Variants in AKAP19 observed in about 807,000 individuals in gnomAD.
The protein encoded by AKAP19 is A-kinase anchoring protein 19, also known as small A-kinase anchoring protein.
the AKAP19 span, among the ~76,000 whole-genome samples, chr2:189,928,060 G>A: frequency 6.6e-6 from 1 of 152,038 alleles, no homozygotes; most frequent in Admixed American, 6.5e-5. Context: ...TGTCTTTTTA[G>A]TATTGTTTAA....
At chr2:189,958,789 C>T in the AKAP19 span, among the ~76,000 whole-genome samples, 1 of 151,932 alleles carries the variant, frequency 6.6e-6, no homozygotes, top group Admixed American at 6.6e-5. Context: ...GCATGAATTA[C>T]AGCTGCATGA....
At chr2:190,101,293 G>A in the AKAP19 span, among the ~76,000 whole-genome samples, 2 of 152,244 alleles carry the variant, frequency 1.3e-5, no homozygotes, top group African/African-American at 4.8e-5. Flanking sequence ...GCCTGTGGCA[G>A]GAGGAGAGCT....
the AKAP19 span, among the ~76,000 whole-genome samples, chr2:190,050,667 C>G: frequency 5.9e-5 from 9 of 152,098 alleles, no homozygotes; most frequent in Admixed American, 5.9e-4. Context: ...GTAGCAAGTG[C>G]AAGAGTCTAG....
At chr2:190,060,556 A>G in the AKAP19 span, 1 of 841,054 alleles carries the variant, frequency 1.2e-6, no homozygotes, top group Non-Finnish European at 1.8e-6. Flanking sequence ...GTCTTTTAAA[A>G]TGAAATACCG....
chr2:189,931,338 G>A, the AKAP19 span, among the ~76,000 whole-genome samples: 1 of 152,004 alleles, frequency 6.6e-6, no homozygotes, highest in East Asian at 1.9e-4. Flanking sequence ...ATAGAAAACA[G>A]GAAATTAACT....
At chr2:189,891,565 C>G in the AKAP19 span, among the ~76,000 whole-genome samples, 1 of 152,036 alleles carries the variant, frequency 6.6e-6, no homozygotes, top group African/African-American at 2.4e-5. Flanking sequence ...GGCCCGCGCT[C>G]TCTTCTGGCT....
At chr2:190,000,638 G>A in the AKAP19 span, among the ~76,000 whole-genome samples, 1 of 152,198 alleles carries the variant, frequency 6.6e-6, no homozygotes, top group African/African-American at 2.4e-5. Context: ...ATGAAGGTTA[G>A]TTCTGTTTGA....
chr2:190,200,089 TG>T, the AKAP19 span: 1 of 1,614,060 alleles, frequency 6.2e-7, no homozygotes, highest in Non-Finnish European at 8.5e-7. Flanking sequence ...CTTGCAGCAA[TG>T]GGCATGCAAT....
At chr2:190,057,667 A>G in the AKAP19 span, 1 of 1,610,958 alleles carries the variant, frequency 6.2e-7, no homozygotes, top group Non-Finnish European at 8.5e-7. Flanking sequence ...ACAATCAGTA[A>G]TATCAATAGG....
the AKAP19 span, among the ~76,000 whole-genome samples, chr2:189,933,831 G>T: frequency 1.3e-5 from 2 of 151,876 alleles, no homozygotes; most frequent in Non-Finnish European, 2.9e-5. Flanking sequence ...ATATTATTTT[G>T]TCACTTTTGG....
the AKAP19 span, among the ~76,000 whole-genome samples, chr2:189,888,895 A>C: frequency 1.3e-5 from 2 of 152,170 alleles, no homozygotes; most frequent in Non-Finnish European, 2.9e-5. Context: ...AAACAGGGAC[A>C]ATTTGACTTC....
the AKAP19 span, among the ~76,000 whole-genome samples, chr2:190,167,396 A>C: frequency 6.6e-6 from 1 of 152,236 alleles, no homozygotes; most frequent in East Asian, 1.9e-4. Flanking sequence ...GACACAGCTA[A>C]ACCATATCAT....
chr2:189,977,550 G>C, the AKAP19 span, among the ~76,000 whole-genome samples: 10 of 152,304 alleles, frequency 6.6e-5, no homozygotes, highest in East Asian at 1.7e-3. Context: ...AATGGTGTCT[G>C]ATATGCCTAT....
chr2:190,001,917 GCCATTGGCCC>G, the AKAP19 span, among the ~76,000 whole-genome samples: 1 of 152,156 alleles, frequency 6.6e-6, no homozygotes. Flanking sequence ...GTAGAGTCAA[GCCATTGGCCC>G]CCTTCCTCTG....
At chr2:190,015,393 C>T in the AKAP19 span, among the ~76,000 whole-genome samples, 3 of 152,348 alleles carry the variant, frequency 2.0e-5, no homozygotes, top group African/African-American at 7.2e-5. Flanking sequence ...CTCAGCTGTA[C>T]ATTGGCCCCT....
chr2:190,202,907 A>G, the AKAP19 span: 1 of 167,088 alleles, frequency 6.0e-6, no homozygotes, highest in East Asian at 1.9e-4. Flanking sequence ...TTTCAGTTAC[A>G]TGCCTTTGAT....
chr2:190,021,588 A>C, the AKAP19 span, among the ~76,000 whole-genome samples: 4 of 152,218 alleles, frequency 2.6e-5, no homozygotes, highest in African/African-American at 9.6e-5. Context: ...TTCAGAATCT[A>C]AGCTTTTGAG....
the AKAP19 span, among the ~76,000 whole-genome samples, chr2:189,901,257 A>G: frequency 1.3e-5 from 2 of 151,660 alleles, no homozygotes; most frequent in Non-Finnish European, 2.9e-5. Flanking sequence ...TTTTTAAACG[A>G]TTTTTGCTCT....
the AKAP19 span, among the ~76,000 whole-genome samples, chr2:190,037,231 T>C: frequency 2.0e-5 from 3 of 152,208 alleles, no homozygotes; most frequent in Non-Finnish European, 4.4e-5. Flanking sequence ...CTACCCAGAA[T>C]AGGTAATGAA....
Sources: gnomAD v4.1 joint callset for allele counts (sites outside exome capture counted in the v4.1 genomes callset) on GRCh38, gnomAD v4.1.1 for gene constraint, MANE v1.5 for transcripts, NCBI Gene and HGNC (gene_info 2026-07-23, HGNC 2026-07-21) for gene names.